Variants in TRAPPC11 observed in about 807,000 individuals in gnomAD.
The protein encoded by TRAPPC11 is trafficking protein particle complex subunit 11, also known as foie gras homolog.
TRAPPC11 carries 104 observed loss-of-function variants against 151.2 expected under a neutral mutation model. That is an observed-to-expected ratio of 0.69 (90% confidence interval 0.59 to 0.81). The LOEUF (loss-of-function observed/expected upper bound fraction) is 0.81, where lower values mean the gene tolerates loss of function less well. TRAPPC11 is among the 30% of genes least tolerant of loss of function. The pLI is 0.00. For missense variants in TRAPPC11, 1,230 were observed against 1,349.6 expected (o/e 0.91, Z 1.39); for synonymous variants, 456 against 472.3 (o/e 0.97, Z 0.45).
rs1734693662 is a variant in TRAPPC11, at chr4:183,663,837, T to G, written c.-21-10T>G. 1 of 1,577,878 alleles carries G rather than the reference T, an allele frequency of 6.3e-7. No individual in the cohort carries two copies. The highest frequency in any genetic ancestry group is 2.2e-5 in the East Asian group (1 of 44,496). ...AATTAATTATGAATGTATTAACATTTGTATTTCAGGTTTTTTGTGACATCG... is the reference window on the plus strand; with the variant it reads ...AATTAATTATGAATGTATTAACATTGGTATTTCAGGTTTTTTGTGACATCG... On this transcript the variant is annotated splice_polypyrimidine_tract_variant and intron_variant, in intron 1 of 29. Transcript: ENST00000334690.
intron 14 of TRAPPC11, 140 bp downstream of exon 14, chr4:183,684,499 C>A: frequency 9.7e-7 from 1 of 1,025,960 alleles, no homozygotes; most frequent in Non-Finnish European, 1.4e-6. Context: ...ATGTTTTTTT[C>A]AAGTGCTATT....
intron 18 of TRAPPC11, among the ~76,000 whole-genome samples, chr4:183,690,909 A>G (rs919658391): frequency 2.0e-5 from 3 of 152,182 alleles, no homozygotes; most frequent in African/African-American, 7.2e-5. Flanking sequence ...TTGAGGCTAC[A>G]GTGAGCCGAG....
At chr4:183,667,190 G>T in intron 4 of TRAPPC11, 60 bp downstream of exon 4, 1 of 1,385,400 alleles carries the variant, frequency 7.2e-7, no homozygotes, top group East Asian at 2.3e-5. Flanking sequence ...ATTAAAGGGA[G>T]ATAGGGGTTT....
chr4:183,663,537 T>G (rs536690061), intron 1 of TRAPPC11, among the ~76,000 whole-genome samples: 1 of 152,068 alleles, frequency 6.6e-6, no homozygotes, highest in Admixed American at 6.5e-5. Flanking sequence ...CCAACCAATT[T>G]TTTGTATTTT....
chr4:183,681,622 T>G (rs575827030), intron 10 of TRAPPC11, among the ~76,000 whole-genome samples: 55 of 151,698 alleles, frequency 3.6e-4, no homozygotes, highest in African/African-American at 1.3e-3. Context: ...CTACTAAAAA[T>G]ACAAAAAATT....
rs1031831211 is a variant in TRAPPC11 at position 183,713,368 on chromosome 4, G to T, written c.*724G>T. 6.6e-6 allele frequency: 1 copy of T among 152,622 alleles called. No homozygotes were observed. The allele number at this position is 152,622 out of a possible 1,614,324, so 9.5% of individuals were successfully genotyped here. On this transcript the variant is annotated 3_prime_UTR_variant, in exon 30 of 30. Coordinates refer to ENST00000334690, the MANE Select transcript of TRAPPC11 (RefSeq NM_021942.6). ...TAGACTGAAAGTTTTTGGAAAAGATGCAGGGTCTGAGTCAGGCCTTCTGGT... is the reference window on the plus strand; with the variant it reads ...TAGACTGAAAGTTTTTGGAAAAGATTCAGGGTCTGAGTCAGGCCTTCTGGT...
At chr4:183,669,821 C>T (rs532379015) in intron 5 of TRAPPC11, among the ~76,000 whole-genome samples, 1 of 152,336 alleles carries the variant, frequency 6.6e-6, no homozygotes, top group African/African-American at 2.4e-5. Context: ...ATCCTGCCCA[C>T]CACAGCTTTC....
intron 17 of TRAPPC11, among the ~76,000 whole-genome samples, chr4:183,686,380 G>A (rs374818547): frequency 2.0e-5 from 3 of 152,142 alleles, no homozygotes; most frequent in Admixed American, 6.5e-5. Flanking sequence ...CAAGTGATCC[G>A]CCTGGCTTGG....
Position 183,713,411 on chromosome 4 carries a change from A to G in TRAPPC11, c.*767A>G, listed in dbSNP as rs992414970. ...CTTCTGGTTATATTGTGCAGTTTCAAAAGAACTATTTAAAACTCTTGAAAA... is the reference window on the plus strand; with the variant it reads ...CTTCTGGTTATATTGTGCAGTTTCAGAAGAACTATTTAAAACTCTTGAAAA... On this transcript the variant is annotated 3_prime_UTR_variant, in exon 30 of 30. Transcript: ENST00000334690. The G allele has an allele frequency of 1.3e-5, 2 of 152,682 alleles. No individual in the cohort carries two copies. The highest frequency in any genetic ancestry group is 2.9e-5 in the Non-Finnish European group (2 of 68,040). The allele number at this position is 152,682 out of a possible 1,614,324, so 9.5% of individuals were successfully genotyped here. A position where few individuals can be genotyped will look rare whatever the true frequency, so the allele number is the denominator to read the frequency against.
intron 14 of TRAPPC11, 75 bp from the exon 15 acceptor site, chr4:183,684,621 G>A: frequency 6.8e-7 from 1 of 1,470,106 alleles, no homozygotes; most frequent in Non-Finnish European, 9.3e-7. Context: ...AATGAGGAAA[G>A]TATTTTTTTC....
rs1041104256 is a variant in TRAPPC11 at position 183,713,292 on chromosome 4, C to T, written c.*648C>T. The T allele has an allele frequency of 6.6e-6, 1 of 152,286 alleles. No individual in the cohort carries two copies. Among genetic ancestry groups the T allele is most frequent in the Non-Finnish European group, 1.5e-5 (1 of 68,022 alleles). 9.4% of individuals were successfully genotyped at this position (152,286 alleles called of 1,614,324 possible). A position where few individuals can be genotyped will look rare whatever the true frequency, so the allele number is the denominator to read the frequency against. ...ATATTTTAGAGGTGTTAATAAAATC[C>T]TCATCGGAAAAGATCCAAAGTGCAA... On this transcript the variant is annotated 3_prime_UTR_variant, in exon 30 of 30. Coordinates refer to ENST00000334690, the MANE Select transcript of TRAPPC11 (RefSeq NM_021942.6).
In TRAPPC11 at chr4:183,680,140, T is replaced by G; in HGVS notation, c.986T>G (p.Leu329Ter). Residue 329 changes from leucine (L) to a stop codon, truncating the protein, a stop_gained, in exon 10 of 30, where the codon TTA becomes TGA. Transcript: ENST00000334690. LOFTEE classifies it high-confidence loss of function. Reference protein sequence around the residue: ...MSKQFQAFGDLFDEAIKLGLT... With the variant: ...MSKQFQAFGD ...TTAAGATTCCAGGCCTTTGGAGATT[T>G]ATTTGATGAAGCTATTAAGTTAGGG... The G allele has an allele frequency of 6.2e-7, 1 of 1,613,162 alleles. No homozygotes were observed. The highest frequency in any genetic ancestry group is 8.5e-7 in the Non-Finnish European group (1 of 1,179,688).
Position 183,680,170 on chromosome 4 carries a change from C to T in TRAPPC11, c.1016C>T (p.Thr339Ile), listed in dbSNP as rs762315071. The T allele has an allele frequency of 1.2e-6, 2 of 1,613,950 alleles. No individual in the cohort carries two copies. Among genetic ancestry groups the T allele is most frequent in the East Asian group, 2.2e-5 (1 of 44,854 alleles). The change falls in exon 10 of 30, where the codon ACA becomes ATA. Residue 339 changes from threonine to isoleucine, a missense_variant. Thr to Ile is a moderately conservative substitution (Grantham distance 89, BLOSUM62 -1). Coordinates refer to ENST00000334690, the MANE Select transcript of TRAPPC11 (RefSeq NM_021942.6). ...GATGAAGCTATTAAGTTAGGGTTAA[C>T]AGCTATTCAAACTCAGAATCCTGGT... ...LFDEAIKLGL[T>I]AIQTQNPGFY...
rs536700280 is a variant in TRAPPC11 at position 183,663,189 on chromosome 4, C to T, written c.-21-658C>T. Reference sequence around the variant, plus strand: ...TCAAGTGATTCTCCTGCCTCAGCCTCCAAGTAGTTGGGGTTACAGGTGTGT... The same window carrying T: ...TCAAGTGATTCTCCTGCCTCAGCCTTCAAGTAGTTGGGGTTACAGGTGTGT... On this transcript the variant is annotated intron_variant, in intron 1 of 29. Transcript: ENST00000334690. 2.0e-5 allele frequency among the ~76,000 whole-genome samples: 3 copies of T among 152,174 alleles called. No individual in the cohort carries two copies. In the East Asian group the frequency reaches 5.8e-4, roughly 29 times the overall value.
At chr4:183,666,062 T>C (rs1734865960) in intron 2 of TRAPPC11, among the ~76,000 whole-genome samples, 195 bp from the exon 3 acceptor site, 1 of 152,064 alleles carries the variant, frequency 6.6e-6, no homozygotes, top group Admixed American at 6.6e-5. Flanking sequence ...AAATGGGAAG[T>C]ATAGCTTCTC....
chr4:183,709,495 G>T (rs1229637713), intron 29 of TRAPPC11, among the ~76,000 whole-genome samples: 2 of 152,098 alleles, frequency 1.3e-5, no homozygotes, highest in African/African-American at 4.8e-5. Context: ...TGTAAAAGAG[G>T]CCTGGCGCAG....
rs1737403979 is a variant in TRAPPC11 at position 183,712,999 on chromosome 4, C to T, written c.*355C>T. ...TGACTGGACAAAGAGAGCAGATGCA[C>T]CAGTGCCTGTGCCATAAAGTTCCGA... On this transcript the variant is annotated 3_prime_UTR_variant, in exon 30 of 30. Transcript: ENST00000334690. 4.3e-6 allele frequency: 1 copy of T among 231,960 alleles called. No homozygotes were observed. Among genetic ancestry groups the T allele is most frequent in the Non-Finnish European group, 8.4e-6 (1 of 119,126 alleles). The allele number at this position is 231,960 out of a possible 1,614,324, so 14.4% of individuals were successfully genotyped here.
At chr4:183,685,525 G>A in intron 17 of TRAPPC11, 122 bp downstream of exon 17, 1 of 1,155,062 alleles carries the variant, frequency 8.7e-7, no homozygotes, top group East Asian at 2.4e-5. Flanking sequence ...TCATGTTATA[G>A]ATAAACTGAT....
At chr4:183,664,099 T>C (rs1183585640) in intron 2 of TRAPPC11, 28 bp downstream of exon 2, 2 of 1,571,146 alleles carry the variant, frequency 1.3e-6, no homozygotes, top group East Asian at 2.2e-5. Flanking sequence ...GCATGTGTTC[T>C]TTCCTTCTCT....
Sources: gnomAD v4.1 joint callset for allele counts (sites outside exome capture counted in the v4.1 genomes callset) on GRCh38, gnomAD v4.1.1 for gene constraint, MANE v1.5 for transcripts, NCBI Gene and HGNC (gene_info 2026-07-23, HGNC 2026-07-21) for gene names.